Variants in TRPM3 observed in about 807,000 individuals in gnomAD.
TRPM3 encodes transient receptor potential cation channel subfamily M member 3.
A neutral mutation model predicts 181.2 loss-of-function variants in TRPM3; 77 were observed. That is an observed-to-expected ratio of 0.42 (90% CI 0.35 to 0.51). The LOEUF is 0.51. TRPM3 is among the 20% of genes least tolerant of loss of function. The pLI, the probability that TRPM3 is intolerant of heterozygous loss-of-function variation, is 0.01. For missense variants in TRPM3, 1,759 were observed against 2,196.7 expected (o/e 0.80, Z 3.98); for synonymous variants, 745 against 796.4 (o/e 0.94, Z 1.09).
intron 9 of TRPM3, 50 bp downstream of exon 9, chr9:70,681,456 A>G (rs2065415988): frequency 1.4e-6 from 2 of 1,464,258 alleles, no homozygotes; most frequent in Non-Finnish European, 1.9e-6. Flanking sequence ...AGGTCACTGT[A>G]TTAATTCGTT....
chr9:70,873,899 A>G (rs1314637571), intron 1 of TRPM3, among the ~76,000 whole-genome samples: 1 of 151,792 alleles, frequency 6.6e-6, no homozygotes, highest in African/African-American at 2.4e-5. Flanking sequence ...TCCTATTTTT[A>G]TCATTATTTG....
chr9:71,364,485 C>G (rs1362182373), intron 1 of TRPM3, among the ~76,000 whole-genome samples: 1 of 152,184 alleles, frequency 6.6e-6, no homozygotes, highest in Non-Finnish European at 1.5e-5. Flanking sequence ...GTCAGGGAGA[C>G]AGAGTGATTA....
intron 7 of TRPM3, chr9:70,776,469 A>G: frequency 2.8e-6 from 2 of 702,878 alleles, no homozygotes; most frequent in Non-Finnish European, 2.6e-6. Context: ...CTCTTTTTAG[A>G]TTGGTTATAT....
At chr9:71,096,590 A>ACACACACACTCTCT (rs1452142664) in intron 1 of TRPM3, among the ~76,000 whole-genome samples, 38 of 90,038 alleles carry the variant, frequency 4.2e-4, no homozygotes, top group Middle Eastern at 9.6e-3. Flanking sequence ...ACACACACAC[A>ACACACACACTCTCT]CTCTCTCTCT....
chr9:70,998,890 T>C (rs545563855), intron 1 of TRPM3, among the ~76,000 whole-genome samples: 1 of 152,308 alleles, frequency 6.6e-6, no homozygotes, highest in South Asian at 2.1e-4. Flanking sequence ...TCCTCTCTTA[T>C]CCCCTGCTCA....
intron 1 of TRPM3, among the ~76,000 whole-genome samples, chr9:71,226,790 G>A: frequency 6.6e-6 from 1 of 152,046 alleles, no homozygotes; most frequent in South Asian, 2.1e-4. Context: ...ATAATAGCTG[G>A]AGACTTCAAC....
At chr9:71,164,906 A>G (rs534723105) in intron 1 of TRPM3, among the ~76,000 whole-genome samples, 1 of 152,322 alleles carries the variant, frequency 6.6e-6, no homozygotes, top group South Asian at 2.1e-4. Flanking sequence ...CATTTAATCC[A>G]TAAGATTTTA....
At chr9:70,977,145 T>A (rs3124515) in intron 1 of TRPM3, among the ~76,000 whole-genome samples, 106,086 of 151,732 alleles carry the variant, frequency 0.7, 37,164 homozygotes, top group South Asian at 0.74. Flanking sequence ...TTATTTATTT[T>A]TTTTTTTGAG....
intron 1 of TRPM3, among the ~76,000 whole-genome samples, chr9:71,249,135 G>C (rs2082198032): frequency 6.6e-6 from 1 of 152,104 alleles, no homozygotes; most frequent in Non-Finnish European, 1.5e-5. Context: ...AAAATGCTCT[G>C]AAAGTAATCC....
At chr9:71,334,645 T>A (rs1411357633) in intron 1 of TRPM3, among the ~76,000 whole-genome samples, 1 of 152,118 alleles carries the variant, frequency 6.6e-6, no homozygotes, top group Non-Finnish European at 1.5e-5. Flanking sequence ...TCAAATTGTG[T>A]TTTCTCTTAG....
intron 8 of TRPM3, among the ~76,000 whole-genome samples, chr9:70,754,600 C>G (rs995255530): frequency 1.3e-5 from 2 of 152,100 alleles, no homozygotes; most frequent in Non-Finnish European, 2.9e-5. Context: ...GGCCACAGCA[C>G]CCAGAGGCCC....
At chr9:70,648,811 ACCC>A (rs951279365) in intron 9 of TRPM3, among the ~76,000 whole-genome samples, 12 of 152,286 alleles carry the variant, frequency 7.9e-5, no homozygotes, top group African/African-American at 2.9e-4. Flanking sequence ...TTGAAACTGG[ACCC>A]CTTCGTTTCA....
At chr9:71,081,335 T>G (rs1238946642) in intron 1 of TRPM3, among the ~76,000 whole-genome samples, 1 of 152,194 alleles carries the variant, frequency 6.6e-6, no homozygotes, top group Non-Finnish European at 1.5e-5. Context: ...TCCTGGCTTA[T>G]CTCTCACAAA....
At chr9:71,358,588 C>T (rs1458348187) in intron 1 of TRPM3, among the ~76,000 whole-genome samples, 1 of 152,168 alleles carries the variant, frequency 6.6e-6, no homozygotes, top group Non-Finnish European at 1.5e-5. Context: ...TATCTATCAG[C>T]AAGCCCTCTA....
chr9:71,371,120 C>T (rs1370609356), intron 1 of TRPM3, among the ~76,000 whole-genome samples: 1 of 152,074 alleles, frequency 6.6e-6, no homozygotes, highest in Non-Finnish European at 1.5e-5. Flanking sequence ...CACCTGGTCA[C>T]TCAAGAGCTC....
intron 1 of TRPM3, among the ~76,000 whole-genome samples, chr9:70,995,111 T>C (rs2097529782): frequency 6.6e-6 from 1 of 152,188 alleles, no homozygotes; most frequent in African/African-American, 2.4e-5. Context: ...TGTGTGTGTG[T>C]GTGCATGTAA....
rs1437102121 is a variant in TRPM3 at position 70,990,613 on chromosome 9, T to C, written c.178-126102A>G. Among the ~76,000 whole-genome samples the C allele has an allele frequency of 2.0e-5, 3 of 152,320 alleles. No individual in the cohort carries two copies. In the East Asian group the frequency reaches 5.8e-4, roughly 29 times the overall value. The stretch of plus-strand genomic sequence containing the variant: ...AGGCAAAATTCACTTCTCTCAGTCC[T>C]GGGCTATTTTATTATTATTTGTTGT... On this transcript the variant is annotated intron_variant, in intron 1 of 25. Coordinates refer to ENST00000677713, the MANE Select transcript of TRPM3 (RefSeq NM_001366145.2).
intron 1 of TRPM3, among the ~76,000 whole-genome samples, chr9:71,099,068 G>A (rs929648553): frequency 6.6e-6 from 1 of 152,094 alleles, no homozygotes; most frequent in African/African-American, 2.4e-5. Flanking sequence ...GTCCATCTGG[G>A]CTGCTACAAC....
intron 1 of TRPM3, among the ~76,000 whole-genome samples, chr9:71,092,418 T>C (rs2066382650): frequency 6.6e-6 from 1 of 152,186 alleles, no homozygotes; most frequent in Non-Finnish European, 1.5e-5. Flanking sequence ...TGATTTCTTG[T>C]AAATTTGTTT....
Sources: gnomAD v4.1 joint callset for allele counts (sites outside exome capture counted in the v4.1 genomes callset) on GRCh38, gnomAD v4.1.1 for gene constraint, MANE v1.5 for transcripts, NCBI Gene and HGNC (gene_info 2026-07-23, HGNC 2026-07-21) for gene names.